The following SPTBN4 variants were observed in gnomAD, a reference collection of about 807,000 sequenced individuals.
The protein encoded by SPTBN4 is spectrin beta chain, non-erythrocytic 4.
Under a neutral mutation model 277.8 loss-of-function variants are expected in SPTBN4, and 96 were observed. The ratio of observed to expected loss-of-function variants is 0.35; its 90% CI spans 0.29 to 0.41. The LOEUF (loss-of-function observed/expected upper bound fraction) is 0.41, where lower values mean the gene tolerates loss of function less well. SPTBN4 is among the 10% of genes least tolerant of loss of function. The pLI is 1.00. For synonymous variants in SPTBN4, 1,481 were observed against 1,580.3 expected, an observed-to-expected ratio of 0.94 and a Z score of 1.49; for missense variants, 3,006 against 3,595.7, an observed-to-expected ratio of 0.84 and a Z score of 4.19.
intron 20 of SPTBN4, among the ~76,000 whole-genome samples, chr19:40,543,967 G>A (rs990769056): frequency 5.9e-5 from 9 of 151,940 alleles, no homozygotes; most frequent in African/African-American, 1.2e-4. Flanking sequence ...GAAAATTATC[G>A]CCTTCATCCC....
intron 20 of SPTBN4, among the ~76,000 whole-genome samples, chr19:40,541,237 C>G (rs1464002722): frequency 1.3e-5 from 2 of 152,222 alleles, no homozygotes; most frequent in African/African-American, 4.8e-5. Context: ...CTCAACCAAG[C>G]CCAGCAAACC....
chr19:40,506,099 G>A, intron 12 of SPTBN4, 137 bp from the exon 13 acceptor site: 8 of 1,180,918 alleles, frequency 6.8e-6, no homozygotes, highest in Non-Finnish European at 9.2e-6. Context: ...GAGTCTTGAG[G>A]CTGGTCCATA....
intron 27 of SPTBN4, among the ~76,000 whole-genome samples, chr19:40,563,424 T>C (rs923367616): frequency 2.6e-5 from 4 of 152,154 alleles, no homozygotes. Context: ...CCAATAGTTA[T>C]ATAACACGAG....
chr19:40,481,985 G>A (rs1423185264), intron 2 of SPTBN4, among the ~76,000 whole-genome samples: 2 of 150,704 alleles, frequency 1.3e-5, no homozygotes, highest in Non-Finnish European at 2.9e-5. Flanking sequence ...TGCCCAGGCT[G>A]GAGTGCAATG....
At chr19:40,482,086 G>A (rs912829514) in intron 2 of SPTBN4, among the ~76,000 whole-genome samples, 1 of 151,624 alleles carries the variant, frequency 6.6e-6, no homozygotes, top group Non-Finnish European at 1.5e-5. Flanking sequence ...ACAGGTGCCC[G>A]CCACCACACC....
intron 2 of SPTBN4, 37 bp from the exon 3 acceptor site, chr19:40,487,660 G>A (rs568828042): frequency 6.3e-7 from 1 of 1,581,496 alleles, no homozygotes; most frequent in Non-Finnish European, 8.6e-7. Context: ...GGGTGAAGGT[G>A]GAAGCGCCTG....
chr19:40,509,758 G>A (rs577361925), intron 13 of SPTBN4, among the ~76,000 whole-genome samples: 22 of 152,096 alleles, frequency 1.4e-4, no homozygotes, highest in African/African-American at 3.6e-4. Flanking sequence ...AGCATTATTC[G>A]AAAAGGAAGA....
At chr19:40,569,547 AG>A (rs2081129498) in intron 31 of SPTBN4, 109 bp from the exon 32 acceptor site, 1 of 1,064,420 alleles carries the variant, frequency 9.4e-7, no homozygotes, top group African/African-American at 1.6e-5. Flanking sequence ...AGAAGTGGGC[AG>A]GGGCCTGGCA....
chr19:40,544,464 T>TTTTTAG (rs2080837310), intron 20 of SPTBN4, among the ~76,000 whole-genome samples: 1 of 142,984 alleles, frequency 7.0e-6, no homozygotes, highest in Non-Finnish European at 1.5e-5. Context: ...TTTTTTTTTT[T>TTTTTAG]GAGATGGAGT....
At chr19:40,475,047 T>G (rs899084721) in intron 2 of SPTBN4, among the ~76,000 whole-genome samples, 6 of 152,136 alleles carry the variant, frequency 3.9e-5, no homozygotes, top group African/African-American at 1.4e-4. Flanking sequence ...CACCCTACTT[T>G]GATGTATCAG....
chr19:40,529,309 G>T (rs1161795316), intron 18 of SPTBN4, among the ~76,000 whole-genome samples, 178 bp downstream of exon 18: 5 of 152,210 alleles, frequency 3.3e-5, no homozygotes, highest in African/African-American at 2.4e-5. Context: ...GCAAGTCCCT[G>T]CCCGCCCACG....
chr19:40,475,127 C>A, intron 2 of SPTBN4, among the ~76,000 whole-genome samples: 1 of 152,026 alleles, frequency 6.6e-6, no homozygotes, highest in Non-Finnish European at 1.5e-5. Flanking sequence ...ACTGTAGACC[C>A]TTGAACCTTA....
At chr19:40,511,514 C>T (rs375965691) in intron 13 of SPTBN4, among the ~76,000 whole-genome samples, 8 of 152,332 alleles carry the variant, frequency 5.3e-5, no homozygotes, top group African/African-American at 1.9e-4. Context: ...TTCTATTCCA[C>T]CAAACAAATG....
At chr19:40,498,956 C>T (rs2080233514) in intron 7 of SPTBN4, among the ~76,000 whole-genome samples, 1 of 152,024 alleles carries the variant, frequency 6.6e-6, no homozygotes, top group South Asian at 2.1e-4. Flanking sequence ...CCCACTTTAG[C>T]CTCCTAAAGT....
At chr19:40,569,993 CACACACACAGACACACAGACACAGAT>C (rs2081137535) in intron 32 of SPTBN4, among the ~76,000 whole-genome samples, 2 of 150,438 alleles carry the variant, frequency 1.3e-5, no homozygotes, top group African/African-American at 5.0e-5. Flanking sequence ...CACACAGACA[CACACACACAGACACACAGACACAGAT>C]ACACACACAG....
intron 17 of SPTBN4, among the ~76,000 whole-genome samples, chr19:40,526,243 C>T (rs2145887065): frequency 6.7e-6 from 1 of 149,464 alleles, no homozygotes; most frequent in South Asian, 2.1e-4. Context: ...CGCGATCTCG[C>T]CTCACTGCAA....
intron 26 of SPTBN4, 34 bp downstream of exon 26, chr19:40,557,437 G>A (rs745426863): frequency 3.3e-6 from 5 of 1,520,072 alleles, no homozygotes; most frequent in Non-Finnish European, 4.4e-6. Context: ...GCAGGTGGGA[G>A]GGCCTGGACA....
intron 1 of SPTBN4, among the ~76,000 whole-genome samples, chr19:40,468,146 T>C (rs4803341): frequency 0.54 from 82,131 of 151,150 alleles, 23,856 homozygotes; most frequent in African/African-American, 0.72. Context: ...GGCGCGATCT[T>C]GGCTCACTGC....
At chr19:40,513,709 C>T (rs2080422330) in intron 14 of SPTBN4, among the ~76,000 whole-genome samples, 155 bp downstream of exon 14, 1 of 152,190 alleles carries the variant, frequency 6.6e-6, no homozygotes, top group Non-Finnish European at 1.5e-5. Context: ...TGCAACCTGC[C>T]TAATCTTCCT....
Sources: gnomAD v4.1 joint callset for allele counts (sites outside exome capture counted in the v4.1 genomes callset) on GRCh38, gnomAD v4.1.1 for gene constraint, MANE v1.5 for transcripts, NCBI Gene and HGNC (gene_info 2026-07-23, HGNC 2026-07-21) for gene names.